ATXN7L1: variants seen among roughly 807,000 people sequenced by gnomAD.
The protein encoded by ATXN7L1 is ataxin-7-like protein 1.
A neutral mutation model predicts 70.8 loss-of-function variants in ATXN7L1; 15 were observed. That is an observed-to-expected ratio of 0.21 (90% confidence interval 0.14 to 0.33). The LOEUF (loss-of-function observed/expected upper bound fraction) is 0.33, where lower values mean the gene tolerates loss of function less well. ATXN7L1 is among the 10% of genes least tolerant of loss of function. The probability of loss-of-function intolerance (pLI) is 1.00; values close to 1 mark genes in which losing one functional copy is unlikely to be tolerated. For missense variants in ATXN7L1, 975 were observed against 1,097.1 expected (o/e 0.89, Z 1.57); for synonymous variants, 440 against 445.1 (o/e 0.99, Z 0.14).
intron 2 of ATXN7L1, among the ~76,000 whole-genome samples, chr7:105,852,927 C>T (rs979583064): frequency 3.3e-5 from 5 of 152,024 alleles, no homozygotes; most frequent in South Asian, 4.1e-4. Flanking sequence ...GGAAACATTA[C>T]GCTCAGTGAA....
intron 3 of ATXN7L1, among the ~76,000 whole-genome samples, chr7:105,771,923 A>C (rs1350049788): frequency 1.3e-5 from 2 of 152,164 alleles, no homozygotes; most frequent in Non-Finnish European, 2.9e-5. Flanking sequence ...GAAGGCAGAA[A>C]AGGAGAACAA....
intron 3 of ATXN7L1, among the ~76,000 whole-genome samples, chr7:105,725,267 G>C (rs1292000903): frequency 6.6e-6 from 1 of 152,128 alleles, no homozygotes; most frequent in African/African-American, 2.4e-5. Context: ...AATCACCTCT[G>C]TTATGAGACA....
intron 3 of ATXN7L1, among the ~76,000 whole-genome samples, chr7:105,716,669 A>G (rs1375042005): frequency 4.1e-4 from 4 of 9,800 alleles, no homozygotes; most frequent in Admixed American, 2.1e-3. Flanking sequence ...ATCTCTGCAC[A>G]CACACACACA....
chr7:105,696,170 C>T (rs1791677110), intron 3 of ATXN7L1, among the ~76,000 whole-genome samples: 1 of 152,184 alleles, frequency 6.6e-6, no homozygotes, highest in Non-Finnish European at 1.5e-5. Context: ...TTCACGTTGA[C>T]TGTTATGAAG....
chr7:105,667,456 T>C (rs1470202045), intron 3 of ATXN7L1, among the ~76,000 whole-genome samples: 1 of 143,032 alleles, frequency 7.0e-6, no homozygotes, highest in African/African-American at 2.5e-5. Flanking sequence ...TCCCAGCACT[T>C]TGGGAGGCCG....
At chr7:105,630,848 A>G (rs1796497705) in intron 7 of ATXN7L1, among the ~76,000 whole-genome samples, 1 of 152,140 alleles carries the variant, frequency 6.6e-6, no homozygotes, top group East Asian at 1.9e-4. Context: ...CTTCTGCTCA[A>G]TTTTGCTGGG....
At position 105,754,599 on chromosome 7, in the gene ATXN7L1, A is replaced by G. The variant is rs776679514; in HGVS notation, c.355+34005T>C. ...CCTCAGCCTGCTGAGTAGCTGGACT[A>G]TAGGCATAAGCCACTGCACCCAGCA... On this transcript the variant is annotated intron_variant, in intron 3 of 11. Coordinates refer to ENST00000419735, the MANE Select transcript of ATXN7L1 (RefSeq NM_020725.2). 3.9e-5 allele frequency among the ~76,000 whole-genome samples: 6 copies of G among 152,054 alleles called. No homozygotes were observed. The South Asian group carries it at 6.2e-4, about 16-fold the overall frequency.
intron 3 of ATXN7L1, among the ~76,000 whole-genome samples, chr7:105,742,933 T>C (rs1228583913): frequency 6.6e-6 from 1 of 151,958 alleles, no homozygotes; most frequent in Non-Finnish European, 1.5e-5. Context: ...CCTCTCCCCC[T>C]CTCAACATGC....
At chr7:105,838,396 G>A (rs890365725) in intron 2 of ATXN7L1, among the ~76,000 whole-genome samples, 2 of 152,232 alleles carry the variant, frequency 1.3e-5, no homozygotes, top group African/African-American at 2.4e-5. Context: ...AATGGAAAAA[G>A]CATTTCAATC....
intron 2 of ATXN7L1, among the ~76,000 whole-genome samples, chr7:105,810,096 C>T (rs545943470): frequency 1.3e-5 from 2 of 152,344 alleles, no homozygotes; most frequent in Non-Finnish European, 2.9e-5. Flanking sequence ...TTGAACATAA[C>T]ACCATGTTCT....
At chr7:105,734,877 G>A (rs1001716341) in intron 3 of ATXN7L1, among the ~76,000 whole-genome samples, 1 of 152,164 alleles carries the variant, frequency 6.6e-6, no homozygotes, top group Admixed American at 6.5e-5. Flanking sequence ...CAAGCAAAGA[G>A]AGAATACCTA....
intron 7 of ATXN7L1, among the ~76,000 whole-genome samples, chr7:105,626,088 C>T (rs895304582): frequency 3.3e-5 from 5 of 152,096 alleles, no homozygotes; most frequent in Non-Finnish European, 5.9e-5. Flanking sequence ...AAAACAGAGT[C>T]CAAAAGTATA....
At chr7:105,631,884 C>T (rs954482040) in intron 7 of ATXN7L1, among the ~76,000 whole-genome samples, 4 of 152,240 alleles carry the variant, frequency 2.6e-5, no homozygotes, top group Admixed American at 6.5e-5. Context: ...AGGCACAGGG[C>T]TGGACACAGT....
intron 7 of ATXN7L1, 93 bp from the exon 8 acceptor site, chr7:105,624,360 G>T: frequency 8.2e-7 from 1 of 1,214,328 alleles, no homozygotes; most frequent in Non-Finnish European, 1.1e-6. Context: ...TCAGAAAACA[G>T]CCTGATTAAG....
intron 7 of ATXN7L1, among the ~76,000 whole-genome samples, chr7:105,628,774 C>T (rs1225682105): frequency 6.6e-6 from 1 of 150,572 alleles, no homozygotes; most frequent in Non-Finnish European, 1.5e-5. Context: ...GCCGGGGCCA[C>T]AGAGCGAGAC....
At chr7:105,612,391 G>A (rs1221553929) in intron 10 of ATXN7L1, among the ~76,000 whole-genome samples, 1 of 152,220 alleles carries the variant, frequency 6.6e-6, no homozygotes. Context: ...AGATACCACG[G>A]CCTTGCTGTT....
At chr7:105,842,327 G>A (rs1180263275) in intron 2 of ATXN7L1, among the ~76,000 whole-genome samples, 1 of 151,898 alleles carries the variant, frequency 6.6e-6, no homozygotes, top group African/African-American at 2.4e-5. Flanking sequence ...TATCTAATAT[G>A]AGAATATTTT....
chr7:105,629,052 G>T (rs1391938458), intron 7 of ATXN7L1, among the ~76,000 whole-genome samples: 2 of 151,746 alleles, frequency 1.3e-5, no homozygotes, highest in African/African-American at 4.8e-5. Context: ...TGTATTCACA[G>T]GAACTCCTGG....
At chr7:105,875,788 T>A in intron 2 of ATXN7L1, 24 bp downstream of exon 2, 1 of 1,599,748 alleles carries the variant, frequency 6.3e-7, no homozygotes, top group East Asian at 2.2e-5. Context: ...ATGCTAACAC[T>A]AAAATGCCAG....
Sources: gnomAD v4.1 joint callset for allele counts (sites outside exome capture counted in the v4.1 genomes callset) on GRCh38, gnomAD v4.1.1 for gene constraint, MANE v1.5 for transcripts, NCBI Gene and HGNC (gene_info 2026-07-23, HGNC 2026-07-21) for gene names.